PDS5A: variants seen among roughly 807,000 people sequenced by gnomAD.
The protein encoded by PDS5A is PDS5 cohesin associated factor A.
In PDS5A, 42 loss-of-function variants were observed where a neutral mutation model predicts 167.1. The observed-to-expected ratio is 0.25, with a 90% confidence interval of 0.20 to 0.33. PDS5A has a LOEUF of 0.33. PDS5A is among the 10% of genes least tolerant of loss of function. The probability of loss-of-function intolerance (pLI) is 1.00; values close to 1 mark genes in which losing one functional copy is unlikely to be tolerated. For missense variants in PDS5A, 1,033 were observed against 1,605.9 expected (o/e 0.64, Z 6.10); for synonymous variants, 553 against 554.6 (o/e 1.00, Z 0.04).
intron 2 of PDS5A, among the ~76,000 whole-genome samples, chr4:39,949,813 C>CT (rs1211407822): frequency 4.0e-3 from 7 of 1,760 alleles, no homozygotes; most frequent in Admixed American, 6.1e-3. Flanking sequence ...GAATAAGACT[C>CT]TGTCTCAGAA....
intron 23 of PDS5A, among the ~76,000 whole-genome samples, chr4:39,864,938 G>A (rs1719301673): frequency 6.6e-6 from 1 of 152,102 alleles, no homozygotes; most frequent in African/African-American, 2.4e-5. Flanking sequence ...AATGCTGGAG[G>A]AACATGCTTG....
intron 9 of PDS5A, among the ~76,000 whole-genome samples, chr4:39,912,972 T>A (rs1724023209): frequency 6.6e-6 from 1 of 152,176 alleles, no homozygotes; most frequent in Admixed American, 6.6e-5. Flanking sequence ...AAAAAGTTGG[T>A]AGGCTGACAA....
chr4:39,971,311 C>G (rs559618371), intron 2 of PDS5A, among the ~76,000 whole-genome samples: 2 of 151,954 alleles, frequency 1.3e-5, no homozygotes, highest in Non-Finnish European at 2.9e-5. Context: ...CCCGCCACCA[C>G]GCCTGGATAA....
intron 19 of PDS5A, among the ~76,000 whole-genome samples, chr4:39,875,506 G>A (rs1272308350): frequency 6.6e-6 from 1 of 152,164 alleles, no homozygotes; most frequent in Admixed American, 6.5e-5. Context: ...GGCATCAAAT[G>A]CAAGGGTGAC....
intron 2 of PDS5A, among the ~76,000 whole-genome samples, chr4:39,942,329 G>A (rs1174257058): frequency 2.0e-5 from 3 of 152,104 alleles, no homozygotes; most frequent in Admixed American, 2.0e-4. Flanking sequence ...AAAGCTCACA[G>A]AGTTCGACAC....
In PDS5A at chr4:39,849,115, A is replaced by C. The variant is rs1266174786; in HGVS notation, c.3220-145T>G. 6.1e-6 allele frequency: 4 copies of C among 653,396 alleles called. No individual in the cohort carries two copies. The African/African-American group carries it at 7.4e-5, about 12-fold the overall frequency. 40.5% of individuals were successfully genotyped at this position (653,396 alleles called of 1,614,324 possible). On this transcript the variant is annotated intron_variant, in intron 27 of 32. Transcript: ENST00000303538. Reference sequence around the variant, plus strand: ...TGAACATTCCATATTTCTGTTCAGCACTGTTTATGCAGCCTTCTGATAAAT... The same window carrying C: ...TGAACATTCCATATTTCTGTTCAGCCCTGTTTATGCAGCCTTCTGATAAAT...
At chr4:39,947,069 C>A (rs143666069) in intron 2 of PDS5A, among the ~76,000 whole-genome samples, 6 of 152,140 alleles carry the variant, frequency 3.9e-5, no homozygotes, top group African/African-American at 1.4e-4. Context: ...ACAGGAAGAC[C>A]CTATCTCTAT....
chr4:39,909,214 C>G (rs538819259), intron 10 of PDS5A, among the ~76,000 whole-genome samples: 3 of 151,494 alleles, frequency 2.0e-5, no homozygotes, highest in African/African-American at 7.3e-5. Flanking sequence ...CAACCTCCGC[C>G]GCCCAGGTTC....
intron 31 of PDS5A, among the ~76,000 whole-genome samples, chr4:39,840,159 G>C (rs1007877928): frequency 6.6e-5 from 10 of 151,990 alleles, no homozygotes; most frequent in African/African-American, 2.4e-4. Flanking sequence ...GAGAAGTCAA[G>C]CGACCTGCTC....
At chr4:39,863,681 C>T (rs1719186270) in intron 23 of PDS5A, among the ~76,000 whole-genome samples, 1 of 152,106 alleles carries the variant, frequency 6.6e-6, no homozygotes, top group Admixed American at 6.6e-5. Context: ...AATTTACCTG[C>T]CTTCATTTCT....
chr4:39,825,365 G>T lies in PDS5A; in HGVS notation c.*120C>A. On this transcript the variant is annotated 3_prime_UTR_variant, in exon 33 of 33. Transcript: ENST00000303538. ...TAGTCTCTTTAGTTTTCAAGGCAGA[G>T]AGTGTGTGTTCTGAAGTGAGCTTCA... The T allele has an allele frequency of 1.4e-6, 1 of 712,768 alleles. No homozygotes were observed. The highest frequency in any genetic ancestry group is 2.4e-6 in the Non-Finnish European group (1 of 422,988). The allele number at this position is 712,768 out of a possible 1,614,324, so 44.2% of individuals were successfully genotyped here. A position where few individuals can be genotyped will look rare whatever the true frequency, so the allele number is the denominator to read the frequency against.
intron 13 of PDS5A, among the ~76,000 whole-genome samples, chr4:39,901,657 T>A (rs1275170655): frequency 1.3e-5 from 2 of 152,166 alleles, no homozygotes; most frequent in Non-Finnish European, 2.9e-5. Flanking sequence ...AAATTCTCTC[T>A]CTTTTTTAAG....
chr4:39,910,317 A>T lies in PDS5A; in HGVS notation c.1014T>A (p.Pro338=), dbSNP rs1309430546. 1.3e-6 allele frequency: 2 copies of T among 1,553,492 alleles called. No individual in the cohort carries two copies. ...CAAATTTCACACTTTCTAATCTCAC[A>T]GGAACATGAATATCATTAAATCTAC... ...FLGRFNDIHV[P]VRLESVKFAS... Residue 338 remains proline, a synonymous_variant, in exon 10 of 33, where the codon CCT becomes CCA. Coordinates refer to ENST00000303538, the MANE Select transcript of PDS5A (RefSeq NM_001100399.2).
At chr4:39,827,292 C>T (rs930530328) in intron 32 of PDS5A, among the ~76,000 whole-genome samples, 21 of 152,202 alleles carry the variant, frequency 1.4e-4, no homozygotes, top group Admixed American at 1.2e-3. Context: ...CCACTGGACC[C>T]GGCCAAAGAA....
At chr4:39,844,431 C>A (rs534420314) in intron 30 of PDS5A, among the ~76,000 whole-genome samples, 1 of 147,626 alleles carries the variant, frequency 6.8e-6, no homozygotes, top group Admixed American at 6.8e-5. Context: ...ACCAAGATTG[C>A]GCCATTGCAC....
intron 1 of PDS5A, 55 bp from the exon 2 acceptor site, chr4:39,976,672 T>C: frequency 2.2e-6 from 2 of 907,478 alleles, no homozygotes; most frequent in South Asian, 3.6e-5. Context: ...GTAACCTCTT[T>C]TTTCATTTCA....
intron 2 of PDS5A, among the ~76,000 whole-genome samples, chr4:39,946,209 T>A (rs115143507): frequency 0.025 from 3,252 of 130,206 alleles, no homozygotes; most frequent in Non-Finnish European, 0.031. Context: ...TTCATCTCAA[T>A]AAAAAAAAAA....
intron 2 of PDS5A, among the ~76,000 whole-genome samples, chr4:39,959,075 T>C (rs980155975): frequency 3.3e-5 from 5 of 152,176 alleles, no homozygotes; most frequent in Non-Finnish European, 7.3e-5. Context: ...TTCTTAGTGA[T>C]CTTTTTATCT....
chr4:39,950,886 C>T (rs1728288040), intron 2 of PDS5A, among the ~76,000 whole-genome samples: 1 of 152,086 alleles, frequency 6.6e-6, no homozygotes, highest in Non-Finnish European at 1.5e-5. Context: ...CCACTATGCC[C>T]ACCCTGAATT....
Sources: allele counts gnomAD v4.1 joint callset (sites outside exome capture counted in the v4.1 genomes callset), GRCh38; gene constraint gnomAD v4.1.1; transcripts MANE v1.5; gene names NCBI Gene and HGNC (gene_info 2026-07-23, HGNC 2026-07-21).